TDRKH: variants seen among roughly 807,000 people sequenced by gnomAD.
The protein encoded by TDRKH is tudor and KH domain containing.
In TDRKH, 28 loss-of-function variants were observed where a neutral mutation model predicts 61.3. The ratio of observed to expected loss-of-function variants is 0.46; its 90% CI spans 0.34 to 0.63. The LOEUF (loss-of-function observed/expected upper bound fraction) is 0.63, where lower values mean the gene tolerates loss of function less well. Among genes scored for constraint, TDRKH ranks in the 20% least tolerant of loss-of-function variants. The probability of loss-of-function intolerance (pLI) is 0.01; values close to 1 mark genes in which losing one functional copy is unlikely to be tolerated. For synonymous variants in TDRKH, 219 were observed against 244.4 expected (o/e 0.90, Z 0.97); for missense variants, 540 against 683.4 (o/e 0.79, Z 2.34).
intron 1 of TDRKH, among the ~76,000 whole-genome samples, chr1:151,787,715 T>G (rs1186445092): frequency 6.8e-6 from 1 of 146,630 alleles, no homozygotes; most frequent in African/African-American, 2.6e-5. Context: ...TCATGCCTGT[T>G]AATCCCAGCA....
chr1:151,767,363 G>A (rs569926819), downstream of TDRKH: 541 of 1,569,886 alleles, frequency 3.4e-4, no homozygotes, highest in Non-Finnish European at 4.5e-4. Context: ...TTGCAGAGGA[G>A]GGACATTAGC....
chr1:151,781,317 CAA>C (rs58169893), intron 3 of TDRKH, among the ~76,000 whole-genome samples, 162 bp downstream of exon 3: 4,954 of 64,572 alleles, frequency 0.077, 520 homozygotes, highest in African/African-American at 0.21. Context: ...AACTCCATCT[CAA>C]AAAAAAAAAA....
intron 1 of TDRKH, among the ~76,000 whole-genome samples, chr1:151,786,678 T>A (rs1463639574): frequency 6.6e-6 from 1 of 152,208 alleles, no homozygotes; most frequent in Non-Finnish European, 1.5e-5. Context: ...GCCAAATCTA[T>A]TTTTTCTATA....
chr1:151,781,401 A>G, intron 3 of TDRKH, 80 bp downstream of exon 3: 1 of 1,102,282 alleles, frequency 9.1e-7, no homozygotes, highest in Non-Finnish European at 1.4e-6. Context: ...GTTTTGTGAT[A>G]TGGGGTCAGT....
In TDRKH at chr1:151,776,112, C is replaced by T. The variant is rs1199172359; in HGVS notation, c.1201G>A (p.Asp401Asn). 6.2e-7 allele frequency: 1 copy of T among 1,613,504 alleles called. No homozygotes were observed. Among genetic ancestry groups the T allele is most frequent in the Non-Finnish European group, 8.5e-7 (1 of 1,179,698 alleles). The part of the protein sequence containing the change: ...FGDNGDCPLK[D>N]LRALRSDFLS... ...AGCACTGACCTGAGAGCCCTGAGGT[C>T]CTTCAGTGGGCAATCTCCATTATCT... is the stretch of plus-strand genomic sequence containing the variant. Residue 401 changes from aspartate to asparagine, a missense_variant, in exon 8 of 13, where the codon GAC becomes AAC. Asp to Asn is a conservative substitution (Grantham distance 23, BLOSUM62 1). This residue lies in a region of TDRKH where 379 missense variants were observed against 443.8 expected (regional missense o/e 0.85). Transcript: ENST00000368824.
chr1:151,770,229 G>C, downstream of TDRKH: 1 of 1,613,848 alleles, frequency 6.2e-7, no homozygotes, highest in South Asian at 1.1e-5. Context: ...CTGTGTTTGT[G>C]AACTTCCAGA....
At position 151,782,886 on chromosome 1, in the gene TDRKH, A is replaced by G. The variant is rs1649969723; in HGVS notation, c.124+13T>C. On this transcript the variant is annotated intron_variant, in intron 2 of 12. Transcript: ENST00000368824. ...TGAACATTTTCACACACACAGTCAT[A>G]GGGTTCACGTACCTCTGCTTTCCCT... is the stretch of plus-strand genomic sequence containing the variant. 3 of 1,591,994 alleles carry G rather than the reference A, an allele frequency of 1.9e-6. No individual in the cohort carries two copies. The Admixed American group carries it at 5.4e-5, about 29-fold the overall frequency.
chr1:151,774,536 G>T, intron 12 of TDRKH, 32 bp from the exon 13 acceptor site: 1 of 1,613,100 alleles, frequency 6.2e-7, no homozygotes, highest in South Asian at 1.1e-5. Flanking sequence ...GAGAAAGTTA[G>T]ACACTGCCCT....
downstream of TDRKH, among the ~76,000 whole-genome samples, chr1:151,767,788 T>G (rs1015566265): frequency 1.3e-5 from 2 of 152,242 alleles, no homozygotes; most frequent in African/African-American, 4.8e-5. Flanking sequence ...ATGTAAACAT[T>G]TCTAAGTTCC....
chr1:151,774,642 A>G, intron 12 of TDRKH, 68 bp downstream of exon 12: 1 of 1,596,144 alleles, frequency 6.3e-7, no homozygotes, highest in Non-Finnish European at 8.6e-7. Context: ...TAACCTCCCT[A>G]CTCTGGAAAG....
At chr1:151,775,966 C>T (rs889187925) in intron 8 of TDRKH, 82 bp from the exon 9 acceptor site, 4 of 1,581,146 alleles carry the variant, frequency 2.5e-6, no homozygotes, top group South Asian at 1.1e-5. Context: ...AACCAACTAA[C>T]ATGAGACGAT....
At position 151,776,279 on chromosome 1, in the gene TDRKH, G is replaced by A; in HGVS notation, c.1045-11C>T. 2 of 1,611,548 alleles carry A rather than the reference G, an allele frequency of 1.2e-6. No homozygotes were observed. Among genetic ancestry groups the A allele is most frequent in the Non-Finnish European group, 1.7e-6 (2 of 1,178,380 alleles). ...AGTCAAGTCTTCAGGCTGTATGTGG[G>A]GAGGAGGAGAAAGGCAGAGAGTTAC... On this transcript the variant is annotated splice_polypyrimidine_tract_variant and intron_variant, in intron 7 of 12. Transcript: ENST00000368824.
chr1:151,771,190 G>A, downstream of TDRKH: 1 of 1,613,824 alleles, frequency 6.2e-7, no homozygotes, highest in Non-Finnish European at 8.5e-7. Flanking sequence ...TGAAAGGGAT[G>A]TTGGCCACCT....
At chr1:151,771,387 T>C, downstream of TDRKH, 1 of 1,375,588 alleles carries the variant, frequency 7.3e-7, no homozygotes, top group East Asian at 2.6e-5. Context: ...GAGTGGGATA[T>C]ACACCTTAAC....
rs554397798 is a variant in TDRKH at position 151,784,995 on chromosome 1, A to C, written c.-27-1946T>G. Among the ~76,000 whole-genome samples, 3 of 149,568 alleles carry C rather than the reference A, an allele frequency of 2.0e-5. No individual in the cohort carries two copies. In the South Asian group the frequency reaches 6.4e-4, roughly 32 times the overall value. On this transcript the variant is annotated intron_variant, in intron 1 of 12. Transcript: ENST00000368824. Reference sequence around the variant, plus strand: ...TTGCCAGGCTGGAGTGCAGTGGCGCAACCATGGCTCACTGCAGCCACAACC... The same window carrying C: ...TTGCCAGGCTGGAGTGCAGTGGCGCCACCATGGCTCACTGCAGCCACAACC...
chr1:151,788,837 C>T (rs1650604277), intron 1 of TDRKH, among the ~76,000 whole-genome samples: 1 of 152,178 alleles, frequency 6.6e-6, no homozygotes, highest in South Asian at 2.1e-4. Flanking sequence ...CCCTCAATCT[C>T]GACCCCCTAC....
rs1269370749 is a variant in TDRKH, at chr1:151,787,099, G to A, written c.-28+3281C>T. Among the ~76,000 whole-genome samples the A allele has an allele frequency of 2.6e-5, 4 of 152,244 alleles. No individual in the cohort carries two copies. The East Asian group carries it at 7.7e-4, about 29-fold the overall frequency. On this transcript the variant is annotated intron_variant, in intron 1 of 12. Transcript: ENST00000368824. ...AAAGGAAACAAGTTGTTTCATAAAG[G>A]AGATTTTTGACTTAAATAATTCTTG... is the stretch of plus-strand genomic sequence containing the variant.
In TDRKH at chr1:151,778,693, A is replaced by G. The variant is rs745832267; in HGVS notation, c.875T>C (p.Met292Thr). The G allele has an allele frequency of 5.0e-6, 8 of 1,612,360 alleles. No homozygotes were observed. The East Asian group carries it at 1.6e-4, about 31-fold the overall frequency. The change falls in exon 6 of 13, where the codon ATG (methionine) becomes ACG (threonine). Residue 292 changes from methionine (M) to threonine (T), a missense_variant. By Grantham distance (81) the Met-to-Thr change is moderately conservative. Coordinates refer to ENST00000368824, the MANE Select transcript of TDRKH (RefSeq NM_001083965.2). ...CCCTCTTTGTTACATACTTTCAAAC[A>G]TGGGCATCTCTGGGATGGCCTGGGC... The part of the protein sequence containing the change: ...SEAQAIPEMP[M>T]FEIPSPDFSF...
chr1:151,776,511 C>A lies in TDRKH; in HGVS notation c.972G>T (p.Gln324His). 5 of 1,614,168 alleles carry A rather than the reference C, an allele frequency of 3.1e-6. No homozygotes were observed. Among genetic ancestry groups the A allele is most frequent in the Non-Finnish European group, 2.5e-6 (3 of 1,180,036 alleles). ...ATTGCAGGCTGCGGGAGCCAACGAT[C>A]TGGATCCAGAAGTGGTTAGGGTGCT... ...ASEHPNHFWI[Q>H]IVGSRSLQLD... The change falls in exon 7 of 13, where the codon CAG (glutamine) becomes CAT (histidine). Residue 324 changes from glutamine (Q) to histidine (H), a missense_variant. By Grantham distance (24) the Gln-to-His change is conservative (BLOSUM62 0). Coordinates refer to ENST00000368824, the MANE Select transcript of TDRKH (RefSeq NM_001083965.2).
Sources: gnomAD v4.1 joint callset for allele counts (sites outside exome capture counted in the v4.1 genomes callset) on GRCh38, gnomAD v4.1.1 for gene constraint, gnomAD v4.1.1 regional missense constraint, MANE v1.5 for transcripts, NCBI Gene and HGNC (gene_info 2026-07-23, HGNC 2026-07-21) for gene names.